The following MAPK10 variants were observed in gnomAD, a reference collection of about 807,000 sequenced individuals.
MAPK10 encodes JNK3 alpha protein kinase.
MAPK10 carries 25 observed loss-of-function variants against 59.3 expected under a neutral mutation model. That is an observed-to-expected ratio of 0.42 (90% CI 0.31 to 0.59). MAPK10 has a LOEUF of 0.59. Among genes scored for constraint, MAPK10 ranks in the 20% least tolerant of loss-of-function variants. The pLI, the probability that MAPK10 is intolerant of heterozygous loss-of-function variation, is 0.15. For synonymous variants in MAPK10, 190 were observed against 200.5 expected, an observed-to-expected ratio of 0.95 and a Z score of 0.44; for missense variants, 351 against 568.9, an observed-to-expected ratio of 0.62 and a Z score of 3.90.
chr4:86,571,489 T>G (rs1042433421), intron 1 of MAPK10, among the ~76,000 whole-genome samples: 55 of 151,798 alleles, frequency 3.6e-4, no homozygotes, highest in African/African-American at 1.3e-3. Flanking sequence ...AAACTAGAGA[T>G]AAAATAACAA....
chr4:86,053,856 A>T (rs1034576502), intron 11 of MAPK10, among the ~76,000 whole-genome samples: 1 of 152,172 alleles, frequency 6.6e-6, no homozygotes, highest in Admixed American at 6.5e-5. Context: ...GAGAGAAGAA[A>T]TAAAATCAAG....
intron 2 of MAPK10, among the ~76,000 whole-genome samples, chr4:86,238,718 A>C (rs2092479087): frequency 6.6e-6 from 1 of 152,088 alleles, no homozygotes; most frequent in Non-Finnish European, 1.5e-5. Flanking sequence ...CTTTGATGAA[A>C]TTGAGTATCA....
intron 11 of MAPK10, among the ~76,000 whole-genome samples, chr4:86,045,737 A>G (rs1233757520): frequency 2.0e-5 from 3 of 151,620 alleles, no homozygotes; most frequent in Admixed American, 6.6e-5. Context: ...ACCCTTCTCC[A>G]TTAAGTCACT....
At chr4:86,258,217 C>T (rs557344109) in intron 2 of MAPK10, among the ~76,000 whole-genome samples, 1 of 152,254 alleles carries the variant, frequency 6.6e-6, no homozygotes, top group African/African-American at 2.4e-5. Context: ...ATCACCTTAA[C>T]TCCTTACTTC....
chr4:86,367,327 C>T (rs1375833979), intron 1 of MAPK10, among the ~76,000 whole-genome samples: 3 of 152,130 alleles, frequency 2.0e-5, no homozygotes, highest in Non-Finnish European at 4.4e-5. Flanking sequence ...CACAGAATGC[C>T]TTCCCTCAGA....
intron 2 of MAPK10, among the ~76,000 whole-genome samples, chr4:86,198,506 G>C (rs1018891738): frequency 6.6e-6 from 1 of 151,962 alleles, no homozygotes; most frequent in African/African-American, 2.4e-5. Context: ...ACTGTCAAAG[G>C]CTAATTTATG....
At chr4:86,321,598 G>T (rs1243314552) in intron 2 of MAPK10, among the ~76,000 whole-genome samples, 1 of 112,220 alleles carries the variant, frequency 8.9e-6, no homozygotes. Flanking sequence ...GGTGGGGGGA[G>T]GGGGGAGGGA....
chr4:86,315,550 T>A, intron 2 of MAPK10, among the ~76,000 whole-genome samples: 1 of 152,076 alleles, frequency 6.6e-6, no homozygotes, highest in African/African-American at 2.4e-5. Context: ...ACAAAAAAAT[T>A]AAAAAATTAA....
chr4:86,452,641 C>A (rs778411190), intron 1 of MAPK10, among the ~76,000 whole-genome samples: 3 of 151,974 alleles, frequency 2.0e-5, no homozygotes, highest in Non-Finnish European at 2.9e-5. Flanking sequence ...AGCAAGGGAC[C>A]GAGTCAGAGA....
intron 4 of MAPK10, among the ~76,000 whole-genome samples, chr4:86,151,772 A>G (rs2066533543): frequency 6.6e-6 from 1 of 152,200 alleles, no homozygotes; most frequent in Admixed American, 6.5e-5. Flanking sequence ...GAATGTTAAC[A>G]TGACAACAAT....
At chr4:86,449,280 A>G (rs938238365) in intron 1 of MAPK10, among the ~76,000 whole-genome samples, 1 of 152,186 alleles carries the variant, frequency 6.6e-6, no homozygotes, top group South Asian at 2.1e-4. Context: ...CATCAAAATC[A>G]TCTGAAGCTC....
intron 13 of MAPK10, among the ~76,000 whole-genome samples, chr4:86,021,968 CG>C (rs1489223852): frequency 2.0e-5 from 3 of 152,206 alleles, no homozygotes; most frequent in Admixed American, 1.3e-4. Flanking sequence ...GCACGCGGCC[CG>C]GGTTCCCGCT....
At chr4:86,572,052 T>C (rs1035071247) in intron 1 of MAPK10, among the ~76,000 whole-genome samples, 1 of 152,122 alleles carries the variant, frequency 6.6e-6, no homozygotes, top group Non-Finnish European at 1.5e-5. Context: ...ATATGTACAT[T>C]TAACTCCTAT....
chr4:86,364,758 A>G (rs147990664), upstream of MAPK10, among the ~76,000 whole-genome samples: 1,532 of 152,212 alleles, frequency 0.01, 13 homozygotes, highest in African/African-American at 0.027. Context: ...AGGCGGGTGG[A>G]TCACTCGAGG....
At chr4:86,350,170 G>A (rs1409767565) in intron 2 of MAPK10, among the ~76,000 whole-genome samples, 2 of 151,992 alleles carry the variant, frequency 1.3e-5, no homozygotes, top group Non-Finnish European at 2.9e-5. Flanking sequence ...TCCTGCCTCA[G>A]CCTCCTGAGT....
intron 2 of MAPK10, among the ~76,000 whole-genome samples, chr4:86,317,605 C>G (rs1344100340): frequency 1.3e-5 from 2 of 152,156 alleles, no homozygotes; most frequent in African/African-American, 4.8e-5. Context: ...CATCTACATT[C>G]TAACATATTA....
At chr4:86,423,565 G>T (rs950202719) in intron 1 of MAPK10, among the ~76,000 whole-genome samples, 2 of 151,964 alleles carry the variant, frequency 1.3e-5, no homozygotes, top group Non-Finnish European at 2.9e-5. Flanking sequence ...AGAAGAAAGT[G>T]TAGACAGGTT....
chr4:86,334,507 T>C (rs1429613199), intron 2 of MAPK10, among the ~76,000 whole-genome samples: 3 of 152,208 alleles, frequency 2.0e-5, no homozygotes, highest in African/African-American at 7.2e-5. Context: ...GAGCTCTTCA[T>C]AATGTAATTT....
intron 1 of MAPK10, among the ~76,000 whole-genome samples, chr4:86,490,522 T>C (rs1270725555): frequency 1.3e-5 from 2 of 152,194 alleles, no homozygotes; most frequent in Non-Finnish European, 2.9e-5. Flanking sequence ...ATTCAACTTT[T>C]ACAAAATTTA....
Sources: allele counts gnomAD v4.1 joint callset (sites outside exome capture counted in the v4.1 genomes callset), GRCh38; gene constraint gnomAD v4.1.1; transcripts MANE v1.5; gene names NCBI Gene and HGNC (gene_info 2026-07-23, HGNC 2026-07-21).